SLC16A7: variants seen among roughly 807,000 people sequenced by gnomAD.
SLC16A7 encodes the protein monocarboxylate transporter 2.
In SLC16A7, 33 loss-of-function variants were observed where a neutral mutation model predicts 34.9. The ratio of observed to expected loss-of-function variants is 0.94; its 90% CI spans 0.72 to 1.26. The LOEUF (loss-of-function observed/expected upper bound fraction) is 1.26. Ranked by LOEUF, SLC16A7 falls within the 50% of genes most tolerant of loss-of-function variation. The pLI is 0.00. For synonymous variants in SLC16A7, 201 were observed against 206.6 expected (o/e 0.97, Z 0.23); for missense variants, 573 against 578.1 (o/e 0.99, Z 0.09).
intron 2 of SLC16A7, among the ~76,000 whole-genome samples, chr12:59,675,972 T>C (rs1308403558): frequency 6.6e-6 from 1 of 152,198 alleles, no homozygotes; most frequent in Non-Finnish European, 1.5e-5. Flanking sequence ...TTCCTTCACA[T>C]AATCTGTTCA....
intron 2 of SLC16A7, among the ~76,000 whole-genome samples, chr12:59,685,991 T>C (rs1432674832): frequency 6.6e-6 from 1 of 151,890 alleles, no homozygotes; most frequent in Non-Finnish European, 1.5e-5. Flanking sequence ...CTTAAGGAAC[T>C]AAGAATTGGC....
At chr12:59,624,738 TTGTGTGTG>T (rs34708782) in intron 1 of SLC16A7, among the ~76,000 whole-genome samples, 30 of 145,368 alleles carry the variant, frequency 2.1e-4, no homozygotes, top group African/African-American at 3.5e-4. Context: ...GCATTGTTAG[TTGTGTGTG>T]TGTGTGTGTG....
chr12:59,698,484 G>A (rs907029177), intron 2 of SLC16A7, among the ~76,000 whole-genome samples: 1 of 151,692 alleles, frequency 6.6e-6, no homozygotes, highest in African/African-American at 2.4e-5. Context: ...ACACTGGATG[G>A]CATCTTATGA....
chr12:59,622,334 A>G (rs1005747996), intron 1 of SLC16A7, among the ~76,000 whole-genome samples: 37 of 151,878 alleles, frequency 2.4e-4, no homozygotes, highest in African/African-American at 8.7e-4. Flanking sequence ...TTGGTCAAAC[A>G]TTTCAGTCCT....
chr12:59,649,980 T>A (rs1462730540), intron 1 of SLC16A7, among the ~76,000 whole-genome samples: 1 of 152,100 alleles, frequency 6.6e-6, no homozygotes, highest in African/African-American at 2.4e-5. Flanking sequence ...GTTCTAAAAA[T>A]ATTAGTAAAA....
Position 59,596,515 on chromosome 12 carries a change from A to AG in SLC16A7, c.-130+281dup, listed in dbSNP as rs67605614. Among the ~76,000 whole-genome samples, 101,579 of 151,736 alleles carry AG rather than the reference A, an allele frequency of 0.67. 34,675 individuals are homozygous for AG. Among genetic ancestry groups the AG allele is most frequent in the South Asian group, 0.78 (3,765 of 4,806 alleles). On this transcript the variant is annotated intron_variant, in intron 1 of 5. Coordinates refer to ENST00000547379, the MANE Select transcript of SLC16A7 (RefSeq NM_001270623.2). This position sits in a 1 kb window ranked among gnomAD's most constrained non-coding sequence, Gnocchi z 5.0. ...GAGGGGGCGCGCGGGGTCCTGGGCA[A>AG]GGAGCGCCTCGCGTGCTTTCGGCCA...
chr12:59,628,930 G>T (rs1880056188), intron 1 of SLC16A7, among the ~76,000 whole-genome samples: 1 of 151,798 alleles, frequency 6.6e-6, no homozygotes, highest in Non-Finnish European at 1.5e-5. Context: ...GGCGTGGGCT[G>T]CTATAATGAA....
chr12:59,660,404 A>G (rs1181479422), intron 2 of SLC16A7, among the ~76,000 whole-genome samples: 5 of 152,108 alleles, frequency 3.3e-5, no homozygotes. Context: ...TATGGCTTCT[A>G]TAAACTGTCT....
intron 2 of SLC16A7, among the ~76,000 whole-genome samples, chr12:59,702,219 T>C (rs1438753230): frequency 6.6e-6 from 1 of 152,004 alleles, no homozygotes; most frequent in Non-Finnish European, 1.5e-5. Context: ...ACCTACAATA[T>C]TTATTTCCTT....
At chr12:59,773,516 T>C (rs1291558512) in intron 4 of SLC16A7, among the ~76,000 whole-genome samples, 1 of 151,782 alleles carries the variant, frequency 6.6e-6, no homozygotes, top group African/African-American at 2.4e-5. Flanking sequence ...ATTCCTAGTT[T>C]AAGGGAAAAC....
In SLC16A7 at chr12:59,774,672, TC is replaced by T. The variant is rs747850525; in HGVS notation, c.378del (p.Phe126LeufsTer7). The T allele has an allele frequency of 6.3e-7, 1 of 1,589,786 alleles. No homozygotes were observed. Among genetic ancestry groups the T allele is most frequent in the Admixed American group, 1.8e-5 (1 of 54,840 alleles). ...TTCTTTTTAGGTTTAGGTTTAGCCT[TC>T]AACCTGCAACCCGCCTTAACCATAA... Reference protein sequence around the residue: ...MGFITGLGLAFNLQPALTIIG... With the variant: ...MGFITGLGLAXNLQPALTIIG... On this transcript the variant is annotated frameshift_variant, in exon 5 of 6. Transcript: ENST00000547379. LOFTEE classifies it high-confidence loss of function.
chr12:59,704,136 G>C (rs550303533), intron 2 of SLC16A7, among the ~76,000 whole-genome samples: 1 of 143,438 alleles, frequency 7.0e-6, no homozygotes, highest in Non-Finnish European at 1.5e-5. Flanking sequence ...GGAGGCACAG[G>C]TTCCAGTGAG....
chr12:59,696,249 A>T (rs950381334), intron 2 of SLC16A7: 1 of 151,800 alleles, frequency 6.6e-6, no homozygotes, highest in African/African-American at 2.4e-5. Flanking sequence ...TCTTAGTTCT[A>T]TTATTATATT....
At position 59,769,992 on chromosome 12, in the gene SLC16A7, C is replaced by G. The variant is rs574480888; in HGVS notation, c.218-1227C>G. Among the ~76,000 whole-genome samples the G allele has an allele frequency of 2.0e-5, 3 of 152,078 alleles. No individual in the cohort carries two copies. In the South Asian group the frequency reaches 6.2e-4, roughly 32 times the overall value. On this transcript the variant is annotated intron_variant, in intron 3 of 5. Transcript: ENST00000547379. The stretch of plus-strand genomic sequence containing the variant: ...CCCATAAAGTACTATGGAATTTAAT[C>G]AAGTCTAAGATAGTCTCAATTGTTA...
At chr12:59,604,906 G>A (rs1442813032) in intron 1 of SLC16A7, among the ~76,000 whole-genome samples, 2 of 152,132 alleles carry the variant, frequency 1.3e-5, no homozygotes, top group African/African-American at 2.4e-5. Flanking sequence ...GAGTGCAGTG[G>A]CACAATCTTG....
At chr12:59,641,084 A>AGAT (rs1880664546) in intron 1 of SLC16A7, among the ~76,000 whole-genome samples, 1 of 152,112 alleles carries the variant, frequency 6.6e-6, no homozygotes, top group African/African-American at 2.4e-5. Flanking sequence ...TATAAATTGG[A>AGAT]GATGTGATAG....
chr12:59,743,429 C>A (rs576595311), intron 3 of SLC16A7, among the ~76,000 whole-genome samples: 9 of 152,268 alleles, frequency 5.9e-5, no homozygotes, highest in African/African-American at 2.2e-4. Flanking sequence ...TCTTACATGA[C>A]ATGCTTTGCA....
At chr12:59,686,095 CT>C (rs572779305) in intron 2 of SLC16A7, among the ~76,000 whole-genome samples, 2,111 of 93,524 alleles carry the variant, frequency 0.023, 28 homozygotes, top group African/African-American at 0.066. Flanking sequence ...AAGAACTTTT[CT>C]TTTTTTTTTT....
At chr12:59,680,320 T>A (rs1216630227) in intron 2 of SLC16A7, among the ~76,000 whole-genome samples, 2 of 152,184 alleles carry the variant, frequency 1.3e-5, no homozygotes, top group African/African-American at 4.8e-5. Flanking sequence ...TCCAATGTAG[T>A]GTTTTCAAGA....
Sources: gnomAD v4.1 joint callset for allele counts (sites outside exome capture counted in the v4.1 genomes callset) on GRCh38, gnomAD v4.1.1 for gene constraint, Gnocchi (gnomAD v3.1) non-coding constraint, MANE v1.5 for transcripts, NCBI Gene and HGNC (gene_info 2026-07-23, HGNC 2026-07-21) for gene names.